Variants in PTPN3 observed in about 807,000 individuals in gnomAD.
PTPN3 encodes protein tyrosine phosphatase non-receptor type 3.
PTPN3 carries 96 observed loss-of-function variants against 132.7 expected under a neutral mutation model. The observed-to-expected ratio is 0.72, with a 90% CI of 0.61 to 0.86. The LOEUF is 0.86. Among genes scored for constraint, PTPN3 ranks in the 40% least tolerant of loss-of-function variants. The pLI is 0.00. For synonymous variants in PTPN3, 398 were observed against 429.0 expected, an observed-to-expected ratio of 0.93 and a Z score of 0.89; for missense variants, 1,125 against 1,159.6, an observed-to-expected ratio of 0.97 and a Z score of 0.43.
chr9:109,466,726 C>T (rs1028489467), intron 1 of PTPN3, among the ~76,000 whole-genome samples: 2 of 152,266 alleles, frequency 1.3e-5, no homozygotes, highest in Admixed American at 6.5e-5. Context: ...GGAAAAGTAG[C>T]GCCTAATGTC....
chr9:109,524,737 T>C, the PTPN3 span, among the ~76,000 whole-genome samples: 4 of 152,276 alleles, frequency 2.6e-5, no homozygotes, highest in African/African-American at 9.6e-5. Context: ...TTTTTTGATT[T>C]GGATTTTGTT....
chr9:109,486,531 G>A (rs931821574), intron 1 of PTPN3, among the ~76,000 whole-genome samples: 1 of 152,176 alleles, frequency 6.6e-6, no homozygotes, highest in Non-Finnish European at 1.5e-5. Context: ...CAAGTGAAGA[G>A]TGACCTTGGG....
intron 1 of PTPN3, among the ~76,000 whole-genome samples, chr9:109,471,488 T>C (rs1846376637): frequency 6.6e-6 from 1 of 152,192 alleles, no homozygotes; most frequent in African/African-American, 2.4e-5. Context: ...CTCCCCCTAA[T>C]AAGGGCATTT....
upstream of PTPN3, among the ~76,000 whole-genome samples, chr9:109,501,891 T>C (rs1197550387): frequency 2.6e-5 from 4 of 152,226 alleles, no homozygotes; most frequent in Non-Finnish European, 5.9e-5. Context: ...GTCCTGATGA[T>C]GTTTGCTGAG....
intron 12 of PTPN3, among the ~76,000 whole-genome samples, chr9:109,423,907 CA>C (rs1413150625): frequency 2.0e-5 from 3 of 152,130 alleles, no homozygotes; most frequent in Non-Finnish European, 4.4e-5. Context: ...AAAGAACAAA[CA>C]AAAGAACATA....
chr9:109,410,377 G>A lies in PTPN3; in HGVS notation c.1352C>T (p.Thr451Ile). 6.2e-7 allele frequency: 1 copy of A among 1,614,172 alleles called. No homozygotes were observed. Among genetic ancestry groups the A allele is most frequent in the East Asian group, 2.2e-5 (1 of 44,880 alleles). ...AGACACAGAACTGGATGACTTCTGG[G>A]TCAGGTAGCTTTGTGCCGGATTGTT... ...SENNPAQSYL[T>I]QKSSSSVSPS... is the part of the protein sequence containing the mutation. The change falls in exon 15 of 26, where the codon ACC becomes ATC. Residue 451 changes from threonine (T) to isoleucine (I), a missense_variant. Thr to Ile is a moderately conservative substitution (Grantham distance 89). Transcript: ENST00000374541.
chr9:109,396,032 T>C (rs1298255928), intron 19 of PTPN3, among the ~76,000 whole-genome samples: 2 of 152,090 alleles, frequency 1.3e-5, no homozygotes, highest in African/African-American at 2.4e-5. Flanking sequence ...CAGCTAATTT[T>C]AGTATTTTTA....
chr9:109,477,089 CAGGT>C (rs147897470), intron 1 of PTPN3, among the ~76,000 whole-genome samples: 1,809 of 152,276 alleles, frequency 0.012, 43 homozygotes, highest in African/African-American at 0.041. Flanking sequence ...ATCCCAAGCT[CAGGT>C]GGGGGCATCA....
chr9:109,495,840 T>A (rs963047945), intron 1 of PTPN3, among the ~76,000 whole-genome samples: 5 of 152,234 alleles, frequency 3.3e-5, no homozygotes, highest in Non-Finnish European at 5.9e-5. Flanking sequence ...TAAGGGATCC[T>A]GAATCTGCTT....
At chr9:109,520,436 T>G in the PTPN3 span, among the ~76,000 whole-genome samples, 7 of 152,210 alleles carry the variant, frequency 4.6e-5, no homozygotes, top group Non-Finnish European at 1.0e-4. Context: ...GAATAGTGCT[T>G]CTAGGAGCAT....
At chr9:109,483,242 G>A (rs1334808100) in intron 1 of PTPN3, among the ~76,000 whole-genome samples, 6 of 152,224 alleles carry the variant, frequency 3.9e-5, no homozygotes, top group African/African-American at 1.4e-4. Flanking sequence ...CCATGTTCCT[G>A]GCAATTTCAC....
At chr9:109,437,135 T>G (rs545105204) in intron 8 of PTPN3, among the ~76,000 whole-genome samples, 165 bp from the exon 9 acceptor site, 1 of 150,972 alleles carries the variant, frequency 6.6e-6, no homozygotes, top group East Asian at 1.9e-4. Flanking sequence ...AGCAAGTTTT[T>G]ATTCTTATCC....
intron 14 of PTPN3, among the ~76,000 whole-genome samples, chr9:109,420,001 G>T (rs1410030145): frequency 6.6e-6 from 1 of 152,156 alleles, no homozygotes; most frequent in Non-Finnish European, 1.5e-5. Flanking sequence ...TTCGGAGAAG[G>T]CTTTTAGAAG....
At chr9:109,409,856 A>G in intron 16 of PTPN3, 143 bp downstream of exon 16, 4 of 1,391,408 alleles carry the variant, frequency 2.9e-6, no homozygotes, top group Non-Finnish European at 2.8e-6. Context: ...ACAAAAACAA[A>G]AAAAACCCCC....
In PTPN3 at chr9:109,428,701, A is replaced by G; in HGVS notation, c.765-17T>C. The G allele has an allele frequency of 6.2e-7, 1 of 1,610,360 alleles. No individual in the cohort carries two copies. Among genetic ancestry groups the G allele is most frequent in the Non-Finnish European group, 8.5e-7 (1 of 1,178,892 alleles). ...ATGTTCACCCTTCAAAAAATAAAAC[A>G]AAACACAAACAAAGCACATCAGGGA... On this transcript the variant is annotated splice_polypyrimidine_tract_variant and intron_variant, in intron 10 of 25. Coordinates refer to ENST00000374541, the MANE Select transcript of PTPN3 (RefSeq NM_002829.4).
Position 109,408,325 on chromosome 9 carries a change from G to A in PTPN3, c.1631C>T (p.Ser544Leu). 1.3e-6 allele frequency: 2 copies of A among 1,566,178 alleles called. No homozygotes were observed. Among genetic ancestry groups the A allele is most frequent in the Non-Finnish European group, 1.7e-6 (2 of 1,149,142 alleles). Residue 544 changes from serine to leucine, a missense_variant, in exon 17 of 26, where the codon TCA becomes TTA. Coordinates refer to ENST00000374541, the MANE Select transcript of PTPN3 (RefSeq NM_002829.4). Reference protein sequence around the residue: ...PLVVSRINPESPADTCIPKLN... With the variant: ...PLVVSRINPELPADTCIPKLN... ...ACATGGAATGTATTTACTTACAGGTGACTCTGGGTTTATCCTTGATACCAC... is the reference window on the plus strand; with the variant it reads ...ACATGGAATGTATTTACTTACAGGTAACTCTGGGTTTATCCTTGATACCAC...
At chr9:109,440,068 T>A (rs1172489687) in intron 7 of PTPN3, among the ~76,000 whole-genome samples, 2 of 152,128 alleles carry the variant, frequency 1.3e-5, no homozygotes, top group Non-Finnish European at 2.9e-5. Flanking sequence ...TGGGAGTGGG[T>A]CAGACTCACC....
Position 109,382,348 on chromosome 9 carries a change from C to G in PTPN3, c.2482G>C (p.Val828Leu). 6.2e-7 allele frequency: 1 copy of G among 1,614,096 alleles called. No individual in the cohort carries two copies. Among genetic ancestry groups the G allele is most frequent in the Non-Finnish European group, 8.5e-7 (1 of 1,179,958 alleles). Residue 828 changes from valine to leucine, a missense_variant, in exon 24 of 26, where the codon GTG becomes CTG. By Grantham distance (32) the Val-to-Leu change is conservative (BLOSUM62 1). Transcript: ENST00000374541. ...TCGCTGTCCACTCTCAGAGACCTCA[C>G]ATAGTTTACAAATTCCAGAAAGTCG... The part of the protein sequence containing the change: ...SSDFLEFVNY[V>L]RSLRVDSEPV...
chr9:109,473,250 G>A (rs1397706958), intron 1 of PTPN3, among the ~76,000 whole-genome samples: 5 of 152,152 alleles, frequency 3.3e-5, no homozygotes, highest in African/African-American at 7.2e-5. Context: ...TACAGACCCT[G>A]TAATTTGTTC....
Sources: gnomAD v4.1 joint callset for allele counts (sites outside exome capture counted in the v4.1 genomes callset) on GRCh38, gnomAD v4.1.1 for gene constraint, MANE v1.5 for transcripts, NCBI Gene and HGNC (gene_info 2026-07-23, HGNC 2026-07-21) for gene names.